Variants in TPH2 observed in about 807,000 individuals in gnomAD.
TPH2 encodes the protein tryptophan 5-hydroxylase 2.
In TPH2, 27 loss-of-function variants were observed where a neutral mutation model predicts 59.1. The ratio of observed to expected loss-of-function variants is 0.46; its 90% CI spans 0.34 to 0.63. The LOEUF is 0.63. Ranked by LOEUF, TPH2 falls within the 30% of genes least tolerant of loss-of-function variation. TPH2 has a pLI of 0.01. For synonymous variants in TPH2, 220 were observed against 210.5 expected (o/e 1.05, Z -0.39); for missense variants, 523 against 588.3 (o/e 0.89, Z 1.15).
At position 71,941,702 on chromosome 12, in the gene TPH2, G is replaced by A; in HGVS notation, c.224G>A (p.Gly75Asp). The A allele has an allele frequency of 1.2e-6, 2 of 1,614,068 alleles. No individual in the cohort carries two copies. The highest frequency in any genetic ancestry group is 2.2e-5 in the East Asian group (1 of 44,880). Reference protein sequence around the residue: ...AVVFSLKNEVGGLVKALRLFQ... With the variant: ...AVVFSLKNEVDGLVKALRLFQ... ...GTTTTCTCCTTGAAGAATGAAGTTG[G>A]TGGATTGGTAAAAGCACTGAGGCTC... is the stretch of plus-strand genomic sequence containing the variant. Residue 75 changes from glycine to aspartate, a missense_variant, in exon 2 of 11, where the codon GGT becomes GAT. Physicochemically the swap from Gly to Asp is moderately conservative, Grantham distance 94. Coordinates refer to ENST00000333850, the MANE Select transcript of TPH2 (RefSeq NM_173353.4).
chr12:72,024,232 C>A (rs1873507151), intron 9 of TPH2, among the ~76,000 whole-genome samples: 1 of 152,198 alleles, frequency 6.6e-6, no homozygotes, highest in African/African-American at 2.4e-5. Context: ...TGTCAAGGGC[C>A]CTGCTGTCCA....
chr12:71,987,814 T>C (rs933366588), intron 7 of TPH2, among the ~76,000 whole-genome samples: 2 of 152,186 alleles, frequency 1.3e-5, no homozygotes, highest in African/African-American at 4.8e-5. Flanking sequence ...ATCAGGCTAC[T>C]GCACTCCAGC....
intron 7 of TPH2, among the ~76,000 whole-genome samples, chr12:71,981,985 T>C (rs1872290555): frequency 6.7e-6 from 1 of 149,646 alleles, no homozygotes; most frequent in Non-Finnish European, 1.5e-5. Flanking sequence ...TTACAAGCCC[T>C]TTATTTTTTG....
At chr12:71,990,561 G>A (rs988473476) in intron 7 of TPH2, among the ~76,000 whole-genome samples, 2 of 152,220 alleles carry the variant, frequency 1.3e-5, no homozygotes, top group African/African-American at 4.8e-5. Context: ...TATTAGTAAT[G>A]TTAAAAATCT....
At chr12:72,028,637 A>T (rs751400759) in intron 9 of TPH2, among the ~76,000 whole-genome samples, 2 of 152,074 alleles carry the variant, frequency 1.3e-5, no homozygotes, top group Non-Finnish European at 2.9e-5. Flanking sequence ...CCCCATCTCC[A>T]GGTTCTTGTC....
intron 8 of TPH2, among the ~76,000 whole-genome samples, chr12:72,000,419 A>G (rs762789058): frequency 4.6e-5 from 7 of 152,172 alleles, no homozygotes; most frequent in Non-Finnish European, 1.0e-4. Context: ...TCAAAATGTG[A>G]TGTATACGAA....
At chr12:71,946,591 T>C (rs1871203206) in intron 4 of TPH2, among the ~76,000 whole-genome samples, 1 of 152,184 alleles carries the variant, frequency 6.6e-6, no homozygotes. Context: ...TATATTTCTT[T>C]TATACGCACA....
intron 8 of TPH2, among the ~76,000 whole-genome samples, chr12:72,014,640 C>G (rs1436909325): frequency 6.6e-6 from 1 of 152,144 alleles, no homozygotes; most frequent in Admixed American, 6.5e-5. Context: ...ATCTACCCGC[C>G]TTGGCCTCCC....
chr12:72,006,836 A>ATACTATACAATC (rs1872965966), intron 8 of TPH2, among the ~76,000 whole-genome samples: 1 of 152,242 alleles, frequency 6.6e-6, no homozygotes, highest in Admixed American at 6.5e-5. Flanking sequence ...GAGGCTAATG[A>ATACTATACAATC]TACTATACAA....
intron 8 of TPH2, among the ~76,000 whole-genome samples, chr12:72,001,115 T>G (rs1872811063): frequency 6.6e-6 from 1 of 152,202 alleles, no homozygotes; most frequent in Non-Finnish European, 1.5e-5. Flanking sequence ...CACAGATGTT[T>G]CCAAAGCAGA....
chr12:72,013,813 A>G (rs1291910594), intron 8 of TPH2, among the ~76,000 whole-genome samples: 1 of 152,126 alleles, frequency 6.6e-6, no homozygotes, highest in African/African-American at 2.4e-5. Flanking sequence ...TGAAGTTGTG[A>G]CCTACTGATC....
At chr12:71,946,605 A>G (rs764733120) in intron 4 of TPH2, among the ~76,000 whole-genome samples, 49 of 152,124 alleles carry the variant, frequency 3.2e-4, no homozygotes, top group Admixed American at 2.6e-3. Context: ...ACGCACACCA[A>G]ATGTTCATTA....
At chr12:71,966,648 C>G (rs1261580009) in intron 5 of TPH2, among the ~76,000 whole-genome samples, 1 of 152,148 alleles carries the variant, frequency 6.6e-6, no homozygotes, top group Non-Finnish European at 1.5e-5. Flanking sequence ...CAGATTCACC[C>G]ATTCCCTTAC....
chr12:72,003,970 G>A (rs563542489), intron 8 of TPH2, among the ~76,000 whole-genome samples: 1 of 152,266 alleles, frequency 6.6e-6, no homozygotes, highest in South Asian at 2.1e-4. Flanking sequence ...AACTACCTTG[G>A]TAACTCTTTA....
At chr12:71,989,763 A>G (rs912749482) in intron 7 of TPH2, among the ~76,000 whole-genome samples, 5 of 152,104 alleles carry the variant, frequency 3.3e-5, no homozygotes, top group Non-Finnish European at 7.4e-5. Flanking sequence ...AACAACCAGA[A>G]CCCTTATTTC....
chr12:72,019,006 T>C (rs1873338416), intron 8 of TPH2, among the ~76,000 whole-genome samples: 3 of 152,220 alleles, frequency 2.0e-5, no homozygotes, highest in African/African-American at 7.2e-5. Context: ...ACATCCCAGA[T>C]ACTTCCAAGC....
In TPH2 at chr12:72,003,854, T is replaced by A. The variant is rs541160628; in HGVS notation, c.1068+9289T>A. Among the ~76,000 whole-genome samples the A allele has an allele frequency of 5.3e-5, 8 of 152,314 alleles. No individual in the cohort carries two copies. The East Asian group carries it at 1.3e-3, about 26-fold the overall frequency. ...TTTTGCAACTCAAATCTTTCTTTGT[T>A]ATTTAGAACTGTATGCTAGGGCTCT... On this transcript the variant is annotated intron_variant, in intron 8 of 10. Transcript: ENST00000333850.
chr12:71,960,820 T>C, intron 5 of TPH2, among the ~76,000 whole-genome samples: 1 of 152,204 alleles, frequency 6.6e-6, no homozygotes, highest in East Asian at 1.9e-4. Flanking sequence ...AGGATTCGAA[T>C]TACTTCCACA....
chr12:71,941,145 CTA>C (rs1453709626), intron 1 of TPH2, among the ~76,000 whole-genome samples: 3 of 152,022 alleles, frequency 2.0e-5, no homozygotes, highest in African/African-American at 4.8e-5. Context: ...TTAATTGAAA[CTA>C]AAATTATTTT....
Sources: gnomAD v4.1 joint callset for allele counts (sites outside exome capture counted in the v4.1 genomes callset) on GRCh38, gnomAD v4.1.1 for gene constraint, MANE v1.5 for transcripts, NCBI Gene and HGNC (gene_info 2026-07-23, HGNC 2026-07-21) for gene names.